Variants in HTR1E observed in about 807,000 individuals in gnomAD.
HTR1E encodes 5-hydroxytryptamine receptor 1E, also known as 5-HT-1E.
In HTR1E, 3 loss-of-function variants were observed where a neutral mutation model predicts 3.4. That is an observed-to-expected ratio of 0.89 (90% CI 0.41 to 2.31). The LOEUF is 2.31. HTR1E is among the 30% of genes most tolerant of loss of function. HTR1E has a pLI of 0.05. For synonymous variants in HTR1E, 170 were observed against 182.8 expected, an observed-to-expected ratio of 0.93 and a Z score of 0.56; for missense variants, 392 against 467.0, an observed-to-expected ratio of 0.84 and a Z score of 1.48.
intron 1 of HTR1E, among the ~76,000 whole-genome samples, chr6:86,963,023 C>T (rs1299738900): frequency 1.3e-5 from 2 of 151,994 alleles, no homozygotes; most frequent in African/African-American, 4.8e-5. Context: ...GCAGGTCCTT[C>T]GAGAGGTATT....
intron 1 of HTR1E, among the ~76,000 whole-genome samples, chr6:87,006,046 T>G (rs1768101922): frequency 6.6e-6 from 1 of 152,186 alleles, no homozygotes; most frequent in Non-Finnish European, 1.5e-5. Context: ...CTTACCCAAG[T>G]TAAAATGGCA....
intron 1 of HTR1E, among the ~76,000 whole-genome samples, chr6:86,992,584 T>C (rs374411365): frequency 6.6e-6 from 1 of 152,126 alleles, no homozygotes; most frequent in East Asian, 1.9e-4. Flanking sequence ...CAAACACGAG[T>C]AAATACTTCA....
At chr6:86,962,952 T>C (rs1000793313) in intron 1 of HTR1E, among the ~76,000 whole-genome samples, 5 of 152,238 alleles carry the variant, frequency 3.3e-5, no homozygotes, top group Admixed American at 1.3e-4. Context: ...TATACTTTTA[T>C]TGTTATTTTA....
intron 1 of HTR1E, among the ~76,000 whole-genome samples, chr6:86,963,742 G>A (rs568962828): frequency 2.0e-4 from 31 of 152,272 alleles, no homozygotes; most frequent in South Asian, 1.0e-3. Flanking sequence ...GGTTTGTAGC[G>A]TAGGAGCAAT....
At chr6:86,998,378 T>C (rs1189687372) in intron 1 of HTR1E, among the ~76,000 whole-genome samples, 1 of 152,096 alleles carries the variant, frequency 6.6e-6, no homozygotes, top group Non-Finnish European at 1.5e-5. Flanking sequence ...TCATGCAGAA[T>C]ATATTCTATG....
rs1768554699 is a variant in HTR1E at position 86,942,130 on chromosome 6, A to G, written c.-186+4307A>G. Among the ~76,000 whole-genome samples the G allele has an allele frequency of 2.0e-5, 3 of 152,222 alleles. No homozygotes were observed. The South Asian group carries it at 6.2e-4, about 32-fold the overall frequency. On this transcript the variant is annotated intron_variant, in intron 1 of 1. Transcript: ENST00000305344. ...TGGGCAGAAAACATGCCTGAGAGGT[A>G]TAAAAGATGCTGTTAGCATCCAAGA...
chr6:86,963,171 G>A (rs976348203), intron 1 of HTR1E, among the ~76,000 whole-genome samples: 1 of 152,116 alleles, frequency 6.6e-6, no homozygotes, highest in South Asian at 2.1e-4. Context: ...CAAGGCTAAT[G>A]TGTATATTTT....
At chr6:86,944,739 A>T (rs755347702) in intron 1 of HTR1E, among the ~76,000 whole-genome samples, 2 of 152,242 alleles carry the variant, frequency 1.3e-5, no homozygotes, top group African/African-American at 2.4e-5. Flanking sequence ...GGTCACCCAC[A>T]AACCACATAT....
chr6:86,950,634 A>G lies in HTR1E; in HGVS notation c.-186+12811A>G, dbSNP rs113429061. 8.9e-3 allele frequency among the ~76,000 whole-genome samples: 1,350 copies of G among 152,332 alleles called. 23 individuals are homozygous for G. The highest frequency in any genetic ancestry group is 0.031 in the African/African-American group (1,273 of 41,580). ...AGAAAATGTATGCAATATTCTTAGCATAGTACCTGCCACATAATAAGCACT... is the reference window on the plus strand; with the variant it reads ...AGAAAATGTATGCAATATTCTTAGCGTAGTACCTGCCACATAATAAGCACT... On this transcript the variant is annotated intron_variant, in intron 1 of 1. Transcript: ENST00000305344.
chr6:86,996,199 AT>A (rs143320624), intron 1 of HTR1E, among the ~76,000 whole-genome samples: 1 of 152,348 alleles, frequency 6.6e-6, no homozygotes, highest in African/African-American at 2.4e-5. Flanking sequence ...GATAAACCTT[AT>A]CTTGGACCAT....
At chr6:86,994,945 C>A (rs1767915304) in intron 1 of HTR1E, among the ~76,000 whole-genome samples, 1 of 151,824 alleles carries the variant, frequency 6.6e-6, no homozygotes, top group African/African-American at 2.4e-5. Context: ...CATATAATAT[C>A]TAGAGCAACT....
intron 1 of HTR1E, among the ~76,000 whole-genome samples, chr6:86,969,080 C>T (rs928879490): frequency 6.6e-6 from 1 of 152,010 alleles, no homozygotes; most frequent in Non-Finnish European, 1.5e-5. Context: ...ATACTAAATT[C>T]CCTTGTAGGG....
At chr6:86,946,122 AT>A (rs1280318095) in intron 1 of HTR1E, among the ~76,000 whole-genome samples, 7 of 152,218 alleles carry the variant, frequency 4.6e-5, no homozygotes, top group Non-Finnish European at 8.8e-5. Flanking sequence ...GTTTTTACAA[AT>A]TAGGTATAGC....
chr6:86,971,225 C>A, intron 1 of HTR1E: 12 of 343,602 alleles, frequency 3.5e-5, no homozygotes, highest in South Asian at 1.1e-4. Flanking sequence ...ATAATCTAAT[C>A]CATTAGTAAA....
At chr6:87,000,032 G>T (rs946057842) in intron 1 of HTR1E, 13 of 164,892 alleles carry the variant, frequency 7.9e-5, no homozygotes, top group African/African-American at 1.2e-4. Context: ...TCATGACACG[G>T]AAGACATAAC....
chr6:87,008,903 CCT>C (rs1562073746), intron 1 of HTR1E, among the ~76,000 whole-genome samples: 24 of 152,284 alleles, frequency 1.6e-4, no homozygotes, highest in Non-Finnish European at 3.1e-4. Context: ...CGTGTCTCCT[CCT>C]CTAAAAATAA....
At chr6:87,000,916 A>G (rs78565603) in intron 1 of HTR1E, among the ~76,000 whole-genome samples, 17,200 of 152,250 alleles carry the variant, frequency 0.11, 1,471 homozygotes, top group East Asian at 0.28. Context: ...ATAATCTATC[A>G]GAAATAATAA....
At chr6:86,941,833 G>A (rs1196634647) in intron 1 of HTR1E, among the ~76,000 whole-genome samples, 2 of 151,686 alleles carry the variant, frequency 1.3e-5, no homozygotes, top group Non-Finnish European at 2.9e-5. Flanking sequence ...GAGGAAGGGA[G>A]CAAGGAAGGA....
intron 1 of HTR1E, among the ~76,000 whole-genome samples, chr6:86,966,241 T>C (rs142615420): frequency 2.6e-5 from 4 of 152,138 alleles, no homozygotes; most frequent in East Asian, 3.9e-4. Flanking sequence ...GGTTAAGTGA[T>C]TGAGTCCAAG....
Sources: gnomAD v4.1 joint callset for allele counts (sites outside exome capture counted in the v4.1 genomes callset) on GRCh38, gnomAD v4.1.1 for gene constraint, MANE v1.5 for transcripts, NCBI Gene and HGNC (gene_info 2026-07-23, HGNC 2026-07-21) for gene names.